FBXO32: variants seen among roughly 807,000 people sequenced by gnomAD.
The protein encoded by FBXO32 is F-box only protein 32.
In FBXO32, 15 loss-of-function variants were observed where a neutral mutation model predicts 48.3. That is an observed-to-expected ratio of 0.31 (90% CI 0.21 to 0.48). The LOEUF (loss-of-function observed/expected upper bound fraction) is 0.48, where lower values mean the gene tolerates loss of function less well. Among genes scored for constraint, FBXO32 ranks in the 20% least tolerant of loss-of-function variants. The pLI is 0.99. For missense variants in FBXO32, 309 were observed against 432.7 expected, an observed-to-expected ratio of 0.71 and a Z score of 2.54; for synonymous variants, 154 against 165.9, an observed-to-expected ratio of 0.93 and a Z score of 0.55.
chr8:123,506,124 G>A lies in FBXO32; in HGVS notation c.834+268C>T, dbSNP rs377527071. ...TGAGCCTGTAGTCCCAGCTACTCGG[G>A]AGGCTGAGGTGGGAGGGTTGCTTGA... On this transcript the variant is annotated intron_variant, in intron 7 of 8. Coordinates refer to ENST00000517956, the MANE Select transcript of FBXO32 (RefSeq NM_058229.4). The surrounding 1 kb of genome is among the most constrained non-coding windows in gnomAD (Gnocchi z 4.0). Among the ~76,000 whole-genome samples the A allele has an allele frequency of 7.9e-5, 12 of 152,306 alleles. No homozygotes were observed. The East Asian group carries it at 1.9e-3, about 25-fold the overall frequency.
At position 123,501,019 on chromosome 8, in the gene FBXO32, A is replaced by G. The variant is rs1312568285; in HGVS notation, c.*2354T>C. 2 of 152,200 alleles carry G rather than the reference A, an allele frequency of 1.3e-5. No individual in the cohort carries two copies. The highest frequency in any genetic ancestry group is 2.9e-5 in the Non-Finnish European group (2 of 68,042). 9.4% of individuals were successfully genotyped at this position (152,200 alleles called of 1,614,324 possible). Reference sequence around the variant, plus strand: ...GTGCACTGCTGACAGTCTAAATGACACCAGTGTCCCAGTTTTGTGCTGACA... The same window carrying G: ...GTGCACTGCTGACAGTCTAAATGACGCCAGTGTCCCAGTTTTGTGCTGACA... On this transcript the variant is annotated 3_prime_UTR_variant, in exon 9 of 9. Transcript: ENST00000517956.
chr8:123,503,232 T>C lies in FBXO32; in HGVS notation c.*141A>G. On this transcript the variant is annotated 3_prime_UTR_variant, in exon 9 of 9. Coordinates refer to ENST00000517956, the MANE Select transcript of FBXO32 (RefSeq NM_058229.4). The stretch of plus-strand genomic sequence containing the variant: ...CAGCAACTGCATTTCTCCCCTCCAA[T>C]GTCCTCTCCATGACTTATCTCTGAA... 3 of 577,984 alleles carry C rather than the reference T, an allele frequency of 5.2e-6. No individual in the cohort carries two copies. Among genetic ancestry groups the C allele is most frequent in the Non-Finnish European group, 5.9e-6 (2 of 336,288 alleles). 35.8% of individuals were successfully genotyped at this position (577,984 alleles called of 1,614,324 possible).
At chr8:123,530,318 C>A (rs747542208) in intron 4 of FBXO32, among the ~76,000 whole-genome samples, 4 of 152,098 alleles carry the variant, frequency 2.6e-5, no homozygotes, top group African/African-American at 4.8e-5. Flanking sequence ...AATGTCATCA[C>A]CCTGGCTGAG....
chr8:123,536,520 G>A (rs996226829), intron 1 of FBXO32, among the ~76,000 whole-genome samples: 2 of 152,172 alleles, frequency 1.3e-5, no homozygotes, highest in African/African-American at 4.8e-5. Flanking sequence ...TCAACGTTGA[G>A]AAAAACAGCA....
At position 123,499,175 on chromosome 8, in the gene FBXO32, G is replaced by A. The variant is rs923664118; in HGVS notation, c.*4198C>T. 3 of 152,224 alleles carry A rather than the reference G, an allele frequency of 2.0e-5. No homozygotes were observed. In the South Asian group the frequency reaches 6.2e-4, roughly 31 times the overall value. The allele number at this position is 152,224 out of a possible 1,614,324, so 9.4% of individuals were successfully genotyped here. ...TCTGGATCTCTTACTCATCGTGAAA[G>A]GCAGACGCTCTAAGTCTAAAGTCTA... is the stretch of plus-strand genomic sequence containing the variant. On this transcript the variant is annotated 3_prime_UTR_variant, in exon 9 of 9. Coordinates refer to ENST00000517956, the MANE Select transcript of FBXO32 (RefSeq NM_058229.4).
At chr8:123,530,126 C>G (rs1267464288) in intron 4 of FBXO32, among the ~76,000 whole-genome samples, 3 of 152,232 alleles carry the variant, frequency 2.0e-5, no homozygotes, top group South Asian at 2.1e-4. Context: ...TATTTTTATC[C>G]CTTTTGGATT....
chr8:123,514,471 A>G (rs1816798952), intron 4 of FBXO32, 138 bp from the exon 5 acceptor site: 3 of 526,254 alleles, frequency 5.7e-6, no homozygotes, highest in African/African-American at 3.9e-5. Context: ...CAATGCAATA[A>G]AAAGCAGATG....
At position 123,540,263 on chromosome 8, in the gene FBXO32, T is replaced by A. The variant is rs2130567951; in HGVS notation, c.116+636A>T. ...CTTGTGGGATTCATCCCCTGCCCCCTTCCCTCCTTTGCACCTCTGCAGCCC... is the reference window on the plus strand; with the variant it reads ...CTTGTGGGATTCATCCCCTGCCCCCATCCCTCCTTTGCACCTCTGCAGCCC... On this transcript the variant is annotated intron_variant, in intron 1 of 8. Coordinates refer to ENST00000517956, the MANE Select transcript of FBXO32 (RefSeq NM_058229.4). This position sits in a 1 kb window ranked among gnomAD's most constrained non-coding sequence, Gnocchi z 6.4. Among the ~76,000 whole-genome samples, 1 of 152,036 alleles carries A rather than the reference T, an allele frequency of 6.6e-6. No individual in the cohort carries two copies. Among genetic ancestry groups the A allele is most frequent in the East Asian group, 1.9e-4 (1 of 5,140 alleles).
At position 123,541,044 on chromosome 8, in the gene FBXO32, A is replaced by G; in HGVS notation, c.-30T>C. The G allele has an allele frequency of 4.0e-6, 6 of 1,502,318 alleles. No homozygotes were observed. The highest frequency in any genetic ancestry group is 5.5e-6 in the Non-Finnish European group (6 of 1,100,018). 93.1% of individuals were successfully genotyped at this position (1,502,318 alleles called of 1,614,324 possible). On this transcript the variant is annotated 5_prime_UTR_variant, in exon 1 of 9. Coordinates refer to ENST00000517956, the MANE Select transcript of FBXO32 (RefSeq NM_058229.4). The stretch of plus-strand genomic sequence containing the variant: ...CCGCGAGCGGACTAGACGGATGGGG[A>G]GACGGGGCCGGCCTGGTGGGCTCGG...
intron 6 of FBXO32, among the ~76,000 whole-genome samples, chr8:123,508,680 G>A (rs775219159): frequency 6.6e-6 from 1 of 152,138 alleles, no homozygotes; most frequent in African/African-American, 2.4e-5. Flanking sequence ...CCTATTTATC[G>A]TTTATCATCT....
Position 123,506,508 on chromosome 8 carries a change from G to T in FBXO32, c.718C>A (p.Leu240Met). ...LCLQLNIMQR[L>M]SDGRDLVSLG... ...CTGACCAGGTCCCGCCCGTCGCTCA[G>T]CCTCTGCATGATGTTCAGTTGTAGG... Residue 240 changes from leucine (L) to methionine (M), a missense_variant, in exon 7 of 9, where the codon CTG (leucine) becomes ATG (methionine). Transcript: ENST00000517956. This position sits in a 1 kb window ranked among gnomAD's most constrained non-coding sequence, Gnocchi z 4.0. 6.2e-7 allele frequency: 1 copy of T among 1,613,826 alleles called. No individual in the cohort carries two copies. The highest frequency in any genetic ancestry group is 1.1e-5 in the South Asian group (1 of 91,040).
rs1324676230 is a variant in FBXO32, at chr8:123,540,717, C to T, written c.116+182G>A. 6.6e-6 allele frequency among the ~76,000 whole-genome samples: 1 copy of T among 152,186 alleles called. No homozygotes were observed. The highest frequency in any genetic ancestry group is 1.5e-5 in the Non-Finnish European group (1 of 68,018). The stretch of plus-strand genomic sequence containing the variant: ...TTGAACAATAAGAGAAACCGAATTC[C>T]CTGTCTCCGGTGGTCCGAAGACCTC... On this transcript the variant is annotated intron_variant, in intron 1 of 8. Transcript: ENST00000517956. This position sits in a 1 kb window ranked among gnomAD's most constrained non-coding sequence, Gnocchi z 6.4.
At position 123,506,269 on chromosome 8, in the gene FBXO32, A is replaced by T; in HGVS notation, c.834+123T>A. 9.4e-7 allele frequency: 1 copy of T among 1,064,604 alleles called. No individual in the cohort carries two copies. Among genetic ancestry groups the T allele is most frequent in the Non-Finnish European group, 1.4e-6 (1 of 731,920 alleles). 65.9% of individuals were successfully genotyped at this position (1,064,604 alleles called of 1,614,324 possible). A position where few individuals can be genotyped will look rare whatever the true frequency, so the allele number is the denominator to read the frequency against. On this transcript the variant is annotated intron_variant, in intron 7 of 8. Coordinates refer to ENST00000517956, the MANE Select transcript of FBXO32 (RefSeq NM_058229.4). This position sits in a 1 kb window ranked among gnomAD's most constrained non-coding sequence, Gnocchi z 4.0. ...AAAACTCCTTCAACTGTCATTTTTC[A>T]GTCAAACCAGGGAACCTGGAATAGG...
At chr8:123,505,254 C>G (rs922517727) in intron 7 of FBXO32, among the ~76,000 whole-genome samples, 3 of 152,140 alleles carry the variant, frequency 2.0e-5, no homozygotes, top group African/African-American at 7.2e-5. Context: ...GGGAAACAGG[C>G]TTGGAGTTGG....
intron 1 of FBXO32, among the ~76,000 whole-genome samples, chr8:123,536,007 A>T (rs1817303435): frequency 1.3e-5 from 2 of 152,162 alleles, no homozygotes; most frequent in Non-Finnish European, 2.9e-5. Context: ...AAGAGAAAAG[A>T]TTTGAAGCAA....
In FBXO32 at chr8:123,540,915, C is replaced by A; in HGVS notation, c.100G>T (p.Val34Leu). 2 of 1,613,492 alleles carry A rather than the reference C, an allele frequency of 1.2e-6. No homozygotes were observed. The highest frequency in any genetic ancestry group is 8.5e-7 in the Non-Finnish European group (1 of 1,179,670). Residue 34 changes from valine to leucine, a missense_variant, in exon 1 of 9, where the codon GTG (valine) becomes TTG (leucine). Coordinates refer to ENST00000517956, the MANE Select transcript of FBXO32 (RefSeq NM_058229.4). This position sits in a 1 kb window ranked among gnomAD's most constrained non-coding sequence, Gnocchi z 6.4. Reference protein sequence around the residue: ...RFLDEKSGSFVSDLSSYCNKE... With the variant: ...RFLDEKSGSFLSDLSSYCNKE... ...TCCCCTCACCTGCTGAGGTCGCTCACGAAACTGCCGCTCTTCTCATCCAGG... is the reference window on the plus strand; with the variant it reads ...TCCCCTCACCTGCTGAGGTCGCTCAAGAAACTGCCGCTCTTCTCATCCAGG...
At chr8:123,533,794 C>T (rs1041312702) in intron 2 of FBXO32, among the ~76,000 whole-genome samples, 2 of 151,768 alleles carry the variant, frequency 1.3e-5, no homozygotes, top group Non-Finnish European at 2.9e-5. Flanking sequence ...GGCGACAGAG[C>T]GAGACTCCGT....
intron 4 of FBXO32, chr8:123,527,184 C>G (rs1007469225): frequency 6.6e-6 from 1 of 152,148 alleles, no homozygotes; most frequent in African/African-American, 2.4e-5. Context: ...AGTTTGCTGA[C>G]CCCTGCTGCA....
chr8:123,514,762 C>T (rs973032263), intron 4 of FBXO32, among the ~76,000 whole-genome samples: 1 of 152,316 alleles, frequency 6.6e-6, no homozygotes, highest in African/African-American at 2.4e-5. Context: ...CACCTAAAGC[C>T]CATCTTCAGC....
Sources: allele counts gnomAD v4.1 joint callset (sites outside exome capture counted in the v4.1 genomes callset), GRCh38; gene constraint gnomAD v4.1.1; non-coding constraint Gnocchi (gnomAD v3.1); transcripts MANE v1.5; gene names NCBI Gene and HGNC (gene_info 2026-07-23, HGNC 2026-07-21).